KCNIP4: variants seen among roughly 807,000 people sequenced by gnomAD.
KCNIP4 encodes potassium voltage-gated channel interacting protein 4, also known as Kv channel-interacting protein 4.
In KCNIP4, 12 loss-of-function variants were observed where a neutral mutation model predicts 34.0. That is an observed-to-expected ratio of 0.35 (90% CI 0.23 to 0.57). KCNIP4 has a LOEUF of 0.57. Among genes scored for constraint, KCNIP4 ranks in the 20% least tolerant of loss-of-function variants. The pLI is 0.83. For missense variants in KCNIP4, 238 were observed against 311.7 expected (o/e 0.76, Z 1.78); for synonymous variants, 124 against 102.2 (o/e 1.21, Z -1.29).
In KCNIP4 at chr4:21,482,028, C is replaced by T. The variant is rs1353596419; in HGVS notation, c.61+466543G>A. Among the ~76,000 whole-genome samples the T allele has an allele frequency of 2.0e-5, 3 of 152,128 alleles. No homozygotes were observed. The East Asian group carries it at 5.8e-4, about 30-fold the overall frequency. On this transcript the variant is annotated intron_variant, in intron 1 of 8. Transcript: ENST00000382152. ...GTGCATATATATTTAGGATAGTTAG[C>T]TCTTCTTGTCGAATTGATCCCTTTA...
At chr4:20,859,917 C>G (rs766234081) in intron 2 of KCNIP4, among the ~76,000 whole-genome samples, 2 of 152,144 alleles carry the variant, frequency 1.3e-5, no homozygotes, top group Non-Finnish European at 2.9e-5. Flanking sequence ...TGATTCAGAA[C>G]TCAGGCCATG....
intron 1 of KCNIP4, among the ~76,000 whole-genome samples, chr4:21,184,649 T>G (rs1276532244): frequency 1.3e-5 from 2 of 152,220 alleles, no homozygotes; most frequent in Non-Finnish European, 2.9e-5. Flanking sequence ...TGATCATTTG[T>G]TCTGCATTTG....
At chr4:21,891,568 C>T (rs1727092941) in intron 1 of KCNIP4, among the ~76,000 whole-genome samples, 1 of 150,710 alleles carries the variant, frequency 6.6e-6, no homozygotes, top group South Asian at 2.1e-4. Flanking sequence ...AGAGTGAGGC[C>T]AGGACTTGGA....
At chr4:21,709,393 T>C (rs148240189) in intron 1 of KCNIP4, among the ~76,000 whole-genome samples, 230 of 152,238 alleles carry the variant, frequency 1.5e-3, no homozygotes, top group Non-Finnish European at 2.7e-3. Context: ...ATGTTGAAGG[T>C]CACATGGTGA....
chr4:20,955,038 G>A (rs571011101), intron 1 of KCNIP4, among the ~76,000 whole-genome samples: 5 of 152,164 alleles, frequency 3.3e-5, no homozygotes, highest in Non-Finnish European at 7.3e-5. Context: ...AGGGGAGAGA[G>A]GCAGGCCCAG....
chr4:20,931,381 C>A (rs879862093), intron 1 of KCNIP4, among the ~76,000 whole-genome samples: 1 of 152,010 alleles, frequency 6.6e-6, no homozygotes, highest in Admixed American at 6.6e-5. Flanking sequence ...CCGAAAAACG[C>A]AACATCATTT....
At chr4:20,831,449 G>C (rs1718416806) in intron 3 of KCNIP4, among the ~76,000 whole-genome samples, 1 of 152,054 alleles carries the variant, frequency 6.6e-6, no homozygotes, top group African/African-American at 2.4e-5. Flanking sequence ...GGCTCTTCAG[G>C]ATATAAAGAG....
intron 1 of KCNIP4, among the ~76,000 whole-genome samples, chr4:21,735,874 T>A (rs1281542872): frequency 6.6e-6 from 1 of 152,194 alleles, no homozygotes; most frequent in Non-Finnish European, 1.5e-5. Flanking sequence ...TCATATCATA[T>A]CTCTAATGAG....
chr4:21,093,762 G>T (rs1460290626), intron 1 of KCNIP4, among the ~76,000 whole-genome samples: 2 of 151,894 alleles, frequency 1.3e-5, no homozygotes, highest in Non-Finnish European at 2.9e-5. Flanking sequence ...TTGAGAATAG[G>T]GTATAATGGA....
intron 1 of KCNIP4, among the ~76,000 whole-genome samples, chr4:21,753,451 C>T (rs1307694177): frequency 6.6e-6 from 1 of 152,122 alleles, no homozygotes; most frequent in Non-Finnish European, 1.5e-5. Context: ...AGATCTCATG[C>T]CTCAGGCAGA....
At chr4:20,743,939 A>G (rs1751795687) in intron 5 of KCNIP4, among the ~76,000 whole-genome samples, 1 of 152,200 alleles carries the variant, frequency 6.6e-6, no homozygotes, top group African/African-American at 2.4e-5. Flanking sequence ...AAACCCTTCA[A>G]AAAGTGGGCA....
intron 1 of KCNIP4, among the ~76,000 whole-genome samples, chr4:21,298,998 T>C (rs1489540849): frequency 2.0e-5 from 3 of 152,114 alleles, no homozygotes; most frequent in African/African-American, 7.2e-5. Flanking sequence ...AATTCCAGTT[T>C]TATGACTTAC....
chr4:21,095,633 T>A (rs541536432), intron 1 of KCNIP4, among the ~76,000 whole-genome samples: 1 of 152,170 alleles, frequency 6.6e-6, no homozygotes, highest in East Asian at 1.9e-4. Context: ...GTTTCATTAG[T>A]GTGTAAGAGA....
intron 1 of KCNIP4, among the ~76,000 whole-genome samples, chr4:21,543,411 A>G (rs913731096): frequency 3.9e-5 from 6 of 152,176 alleles, no homozygotes; most frequent in Admixed American, 3.9e-4. Flanking sequence ...TTTATATTTT[A>G]AGCATGTATT....
chr4:20,936,353 T>C (rs965864268), intron 1 of KCNIP4, among the ~76,000 whole-genome samples: 2 of 152,100 alleles, frequency 1.3e-5, no homozygotes, highest in Admixed American at 6.6e-5. Flanking sequence ...GGTTCATTTA[T>C]TCATTTAGCA....
chr4:20,738,646 C>T (rs751999283), intron 5 of KCNIP4, among the ~76,000 whole-genome samples: 43 of 152,176 alleles, frequency 2.8e-4, no homozygotes, highest in Admixed American at 4.6e-4. Flanking sequence ...TACATAGGAA[C>T]AGCTCCAGTC....
chr4:20,937,915 A>C (rs1731244871), intron 1 of KCNIP4, among the ~76,000 whole-genome samples: 1 of 152,322 alleles, frequency 6.6e-6, no homozygotes, highest in East Asian at 1.9e-4. Flanking sequence ...TTTAACTATA[A>C]TGGTTATTTT....
chr4:21,556,271 T>C (rs1738998716), intron 1 of KCNIP4, among the ~76,000 whole-genome samples: 1 of 152,166 alleles, frequency 6.6e-6, no homozygotes, highest in Non-Finnish European at 1.5e-5. Context: ...TGCCATTGTA[T>C]GATGTGTTTT....
chr4:20,909,460 C>T (rs897899402), intron 1 of KCNIP4, among the ~76,000 whole-genome samples: 3 of 152,102 alleles, frequency 2.0e-5, no homozygotes, highest in Admixed American at 6.5e-5. Context: ...ACACAACTGT[C>T]GACTGCATTG....
Sources: allele counts gnomAD v4.1 joint callset (sites outside exome capture counted in the v4.1 genomes callset), GRCh38; gene constraint gnomAD v4.1.1; transcripts MANE v1.5; gene names NCBI Gene and HGNC (gene_info 2026-07-23, HGNC 2026-07-21).